The following ZNF358 variants were observed in gnomAD, a reference collection of about 807,000 sequenced individuals.
The protein encoded by ZNF358 is zinc finger protein 358.
In ZNF358, 1 loss-of-function variant was observed where a neutral mutation model predicts 2.1. That is an observed-to-expected ratio of 0.49 (90% confidence interval 0.17 to 2.30). ZNF358 has a LOEUF of 2.30. Ranked by LOEUF, ZNF358 falls within the 30% of genes most tolerant of loss-of-function variation. ZNF358 has a pLI of 0.26. For synonymous variants in ZNF358, 381 were observed against 359.7 expected, an observed-to-expected ratio of 1.06 and a Z score of -0.67; for missense variants, 665 against 806.8, an observed-to-expected ratio of 0.82 and a Z score of 2.13.
Position 7,519,257 on chromosome 19 carries a change from C to T in ZNF358, c.15C>T (p.Val5=). Residue 5 remains valine (V), a synonymous_variant, in exon 2 of 2, where the codon GTC becomes GTT. Transcript: ENST00000597229. ...CCACGCCTGAAATGCGGCGCTCAGT[C>T]CTGGTCAGGAACCCAGGCCACAAAG... MRRS[V]LVRNPGHKGL... 1 of 1,613,814 alleles carries T rather than the reference C, an allele frequency of 6.2e-7. No individual in the cohort carries two copies. The highest frequency in any genetic ancestry group is 8.5e-7 in the Non-Finnish European group (1 of 1,179,942).
rs1312209984 is a variant in ZNF358, at chr19:7,516,289, GC to G, written c.-39+41del. ...GAGCGGGCTGGGGCCGGGGCGGGGG[GC>G]TGGGTGGGGGGCGGGCGGGCGGGGG... is the stretch of plus-strand genomic sequence containing the variant. On this transcript the variant is annotated intron_variant, in intron 1 of 1. Transcript: ENST00000597229. This position sits in a 1 kb window ranked among gnomAD's most constrained non-coding sequence, Gnocchi z 5.9. 7.4e-6 allele frequency: 1 copy of G among 135,654 alleles called. No homozygotes were observed. Among genetic ancestry groups the G allele is most frequent in the African/African-American group, 2.7e-5 (1 of 36,944 alleles). The allele number at this position is 135,654 out of a possible 1,614,324, so 8.4% of individuals were successfully genotyped here.
At chr19:7,517,184 TC>T (rs1166925778) in intron 1 of ZNF358, among the ~76,000 whole-genome samples, 1 of 152,056 alleles carries the variant, frequency 6.6e-6, no homozygotes, top group Non-Finnish European at 1.5e-5. Flanking sequence ...CTCCCATTGC[TC>T]CCCAGAAGTG....
intron 1 of ZNF358, among the ~76,000 whole-genome samples, chr19:7,518,557 G>GAGAGAGAGAGAAAGAAAGAAAGAAAGAA (rs556101041): frequency 1.7e-5 from 2 of 116,066 alleles, no homozygotes; most frequent in Non-Finnish European, 3.4e-5. Flanking sequence ...GAGAGAGAGA[G>GAGAGAGAGAGAAAGAAAGAAAGAAAGAA]AGAAAGAAAG....
In ZNF358 at chr19:7,518,557, G is replaced by GAAAGAA. The variant is rs3029870; in HGVS notation, c.-38-647_-38-646insAAGAAA. On this transcript the variant is annotated intron_variant, in intron 1 of 1. Transcript: ENST00000597229. ...AAAGAAAGAAAGAAAGAGAGAGAGA[G>GAAAGAA]AGAAAGAAAGAAAGAAAGAAAGAAA... 9.4e-3 allele frequency among the ~76,000 whole-genome samples: 1,091 copies of GAAAGAA among 116,154 alleles called. 12 individuals are homozygous for GAAAGAA. Among genetic ancestry groups the GAAAGAA allele is most frequent in the African/African-American group, 0.017 (454 of 26,554 alleles). 76.2% of individuals were successfully genotyped at this position (116,154 alleles called of 152,430 possible).
chr19:7,519,116 CCCGTCTCTCATCCCTAA>C (rs2022409481), intron 1 of ZNF358, 72 bp from the exon 2 acceptor site: 1 of 1,426,906 alleles, frequency 7.0e-7, no homozygotes, highest in African/African-American at 1.4e-5. Flanking sequence ...ACAATCGGGT[CCCGTCTCTCATCCCTAA>C]CCAGACTCCA....
Position 7,520,457 on chromosome 19 carries a change from TGCCGCGGCCGCTGCAGCTGCA to T in ZNF358, c.1218_1238del (p.Ala410_Ala416del). The T allele has an allele frequency of 1.1e-6, 1 of 900,600 alleles. No individual in the cohort carries two copies. Among genetic ancestry groups the T allele is most frequent in the Non-Finnish European group, 1.5e-6 (1 of 648,304 alleles). The allele number at this position is 900,600 out of a possible 1,614,324, so 55.8% of individuals were successfully genotyped here. A position where few individuals can be genotyped will look rare whatever the true frequency, so the allele number is the denominator to read the frequency against. On this transcript the variant is annotated inframe_deletion, in exon 2 of 2. Coordinates refer to ENST00000597229, the MANE Select transcript of ZNF358 (RefSeq NM_018083.5). The surrounding 1 kb of genome is among the most constrained non-coding windows in gnomAD (Gnocchi z 6.0). ...ATGAGGGTGCAGCCGCTGCTGCAGC[TGCCGCGGCCGCTGCAGCTGCA>T]GCAGCGGCCGCCGGCCTGGGCCTCG...
upstream of ZNF358, chr19:7,514,036 T>C (rs969745516): frequency 5.3e-5 from 8 of 152,192 alleles, no homozygotes; most frequent in African/African-American, 9.6e-5. Context: ...TCAACAAATA[T>C]AGCCAGAGCT....
Position 7,519,247 on chromosome 19 carries a change from G to A in ZNF358, c.5G>A (p.Arg2Gln). M[R>Q]RSVLVRNPGH... is the part of the protein sequence containing the mutation. The stretch of plus-strand genomic sequence containing the variant: ...GCGGGCACATCCACGCCTGAAATGC[G>A]GCGCTCAGTCCTGGTCAGGAACCCA... The change falls in exon 2 of 2, where the codon CGG (arginine) becomes CAG (glutamine). Residue 2 changes from arginine (R) to glutamine (Q), a missense_variant. Around this residue, in one of 3 missense-constraint regions of ZNF358, gnomAD observed 206 missense variants for 228.4 expected, o/e 0.90. Transcript: ENST00000597229. The A allele has an allele frequency of 6.2e-7, 1 of 1,611,728 alleles. No individual in the cohort carries two copies. The highest frequency in any genetic ancestry group is 1.1e-5 in the South Asian group (1 of 90,922).
chr19:7,517,977 G>T (rs571832606), intron 1 of ZNF358, among the ~76,000 whole-genome samples: 4 of 152,340 alleles, frequency 2.6e-5, no homozygotes, highest in Non-Finnish European at 4.4e-5. Flanking sequence ...TATGGGACAA[G>T]AATTCAGGCC....
At position 7,519,981 on chromosome 19, in the gene ZNF358, G is replaced by C; in HGVS notation, c.739G>C (p.Gly247Arg). The change falls in exon 2 of 2, where the codon GGC becomes CGC. Residue 247 changes from glycine to arginine, a missense_variant. Gly to Arg is a moderately radical substitution (Grantham distance 125). Transcript: ENST00000597229. Reference sequence around the variant, plus strand: ...GGTGTGTGGCAAGGCCTTCGGGCACGGCTCGCTCCTGGCACAGCACCTGCG... The same window carrying C: ...GGTGTGTGGCAAGGCCTTCGGGCACCGCTCGCTCCTGGCACAGCACCTGCG... ...CPVCGKAFGH[G>R]SLLAQHLRTH... 6 of 1,516,010 alleles carry C rather than the reference G, an allele frequency of 4.0e-6. No homozygotes were observed. The highest frequency in any genetic ancestry group is 5.3e-6 in the Non-Finnish European group (6 of 1,137,456). 93.9% of individuals were successfully genotyped at this position (1,516,010 alleles called of 1,614,324 possible).
In ZNF358 at chr19:7,520,160, G is replaced by A; in HGVS notation, c.918G>A (p.Leu306=). The part of the protein sequence containing the change: ...CGKAFGQSSA[L]LQHQRTHTAE... ...AGGCCTTCGGGCAGAGCTCGGCGCT[G>A]CTGCAGCACCAGCGCACACACACGG... Residue 306 remains leucine (L), a synonymous_variant, in exon 2 of 2, where the codon CTG becomes CTA. Coordinates refer to ENST00000597229, the MANE Select transcript of ZNF358 (RefSeq NM_018083.5). This position sits in a 1 kb window ranked among gnomAD's most constrained non-coding sequence, Gnocchi z 6.0. The A allele has an allele frequency of 6.2e-7, 1 of 1,600,644 alleles. No homozygotes were observed. Among genetic ancestry groups the A allele is most frequent in the Middle Eastern group, 1.7e-4 (1 of 6,054 alleles).
intron 1 of ZNF358, among the ~76,000 whole-genome samples, chr19:7,518,908 T>C (rs1337182310): frequency 3.3e-5 from 5 of 151,684 alleles, no homozygotes; most frequent in Non-Finnish European, 7.4e-5. Flanking sequence ...CTACTAAAAA[T>C]ACAAAAATTA....
intron 1 of ZNF358, 112 bp from the exon 2 acceptor site, chr19:7,519,093 G>T: frequency 2.0e-5 from 21 of 1,059,572 alleles, no homozygotes; most frequent in Non-Finnish European, 2.7e-5. Context: ...AAAAAGAAGT[G>T]GGTTCTGGGG....
intron 1 of ZNF358, among the ~76,000 whole-genome samples, chr19:7,517,723 C>CT (rs1306261895): frequency 6.6e-6 from 1 of 152,124 alleles, no homozygotes; most frequent in Non-Finnish European, 1.5e-5. Flanking sequence ...TCCGATCTGT[C>CT]TAAGAGAGAG....
rs1427091298 is a variant in ZNF358, at chr19:7,520,979, G to A, written c.*30G>A. On this transcript the variant is annotated 3_prime_UTR_variant, in exon 2 of 2. Coordinates refer to ENST00000597229, the MANE Select transcript of ZNF358 (RefSeq NM_018083.5). The surrounding 1 kb of genome is among the most constrained non-coding windows in gnomAD (Gnocchi z 6.0). ...GACGCCGGCATCCTCGGGGGCCTGG[G>A]GAAGTTGTGTGTTGTGCAGTCAGTA... The A allele has an allele frequency of 6.2e-7, 1 of 1,603,782 alleles. No individual in the cohort carries two copies. Among genetic ancestry groups the A allele is most frequent in the African/African-American group, 1.3e-5 (1 of 74,800 alleles).
upstream of ZNF358, chr19:7,516,101 GC>G (rs1206035000): frequency 2.2e-5 from 3 of 138,448 alleles, no homozygotes; most frequent in Non-Finnish European, 4.7e-5. This position sits in a 1 kb window ranked among gnomAD's most constrained non-coding sequence, Gnocchi z 5.9. Context: ...CCCTCGGCCG[GC>G]CCCTCTCGCT....
chr19:7,519,248 G>T lies in ZNF358; in HGVS notation c.6G>T (p.Arg2=). 1 of 1,611,832 alleles carries T rather than the reference G, an allele frequency of 6.2e-7. No individual in the cohort carries two copies. The highest frequency in any genetic ancestry group is 8.5e-7 in the Non-Finnish European group (1 of 1,179,122). M[R]RSVLVRNPGH... ...CGGGCACATCCACGCCTGAAATGCG[G>T]CGCTCAGTCCTGGTCAGGAACCCAG... Residue 2 remains arginine, a synonymous_variant, in exon 2 of 2, where the codon CGG becomes CGT. Transcript: ENST00000597229.
Position 7,520,474 on chromosome 19 carries a change from C to A in ZNF358, c.1232C>A (p.Ala411Asp). ...AAAAAAAAAA[A>D]AAAAAGLGLG... is the part of the protein sequence containing the mutation. ...GCTGCAGCTGCCGCGGCCGCTGCAG[C>A]TGCAGCAGCGGCCGCCGGCCTGGGC... The change falls in exon 2 of 2, where the codon GCT becomes GAT. Residue 411 changes from alanine to aspartate, a missense_variant. Physicochemically the swap from Ala to Asp is moderately radical, Grantham distance 126 (BLOSUM62 -2). Coordinates refer to ENST00000597229, the MANE Select transcript of ZNF358 (RefSeq NM_018083.5). This position sits in a 1 kb window ranked among gnomAD's most constrained non-coding sequence, Gnocchi z 6.0. 1 of 1,103,694 alleles carries A rather than the reference C, an allele frequency of 9.1e-7. No individual in the cohort carries two copies. The highest frequency in any genetic ancestry group is 1.6e-5 in the South Asian group (1 of 64,462). The allele number at this position is 1,103,694 out of a possible 1,614,324, so 68.4% of individuals were successfully genotyped here. A position where few individuals can be genotyped will look rare whatever the true frequency, so the allele number is the denominator to read the frequency against.
chr19:7,517,045 C>T (rs1384734920), intron 1 of ZNF358, among the ~76,000 whole-genome samples: 2 of 152,144 alleles, frequency 1.3e-5, no homozygotes, highest in Non-Finnish European at 2.9e-5. Context: ...CAGTGTATTC[C>T]TTTCCCCAGA....
Sources: gnomAD v4.1 joint callset for allele counts (sites outside exome capture counted in the v4.1 genomes callset) on GRCh38, gnomAD v4.1.1 for gene constraint, gnomAD v4.1.1 regional missense constraint, Gnocchi (gnomAD v3.1) non-coding constraint, MANE v1.5 for transcripts, NCBI Gene and HGNC (gene_info 2026-07-23, HGNC 2026-07-21) for gene names.